The following ISM2 variants were observed in gnomAD, a reference collection of about 807,000 sequenced individuals.
ISM2 encodes isthmin-2.
In ISM2, 50 loss-of-function variants were observed where a neutral mutation model predicts 58.0. The observed-to-expected ratio is 0.86, with a 90% CI of 0.69 to 1.09. ISM2 has a LOEUF of 1.09. Among genes scored for constraint, ISM2 ranks in the 50% least tolerant of loss-of-function variants. The pLI is 0.00. For synonymous variants in ISM2, 303 were observed against 312.4 expected (o/e 0.97, Z 0.32); for missense variants, 723 against 745.0 (o/e 0.97, Z 0.34).
chr14:77,494,947 G>A (rs530476429), intron 1 of ISM2, among the ~76,000 whole-genome samples: 5 of 152,096 alleles, frequency 3.3e-5, no homozygotes, highest in African/African-American at 7.2e-5. Context: ...GCAGTGGCGC[G>A]ATCTCAGCTC....
In ISM2 at chr14:77,478,595, C is replaced by T. The variant is rs1311079449; in HGVS notation, c.1094G>A (p.Cys365Tyr). 1.2e-6 allele frequency: 2 copies of T among 1,613,464 alleles called. No homozygotes were observed. The highest frequency in any genetic ancestry group is 2.2e-5 in the South Asian group (2 of 91,056). Residue 365 changes from cysteine (C) to tyrosine (Y), a missense_variant, in exon 5 of 7, where the codon TGT becomes TAT. Physicochemically the swap from Cys to Tyr is radical, Grantham distance 194 (BLOSUM62 -2). Transcript: ENST00000342219. ...YGCTATETRT[C>Y]DLPSCPGTED... is the part of the protein sequence containing the mutation. ...CTCACCAGGACAGGAGGGCAGGTCA[C>T]AGGTACGGGTCTCGGTGGCAGTGCA...
At chr14:77,478,797 C>T (rs1309739408) in intron 4 of ISM2, 82 bp from the exon 5 acceptor site, 1 of 1,447,008 alleles carries the variant, frequency 6.9e-7, no homozygotes, top group Non-Finnish European at 9.6e-7. Flanking sequence ...GCACCCTTTC[C>T]TCAGGTGGAT....
chr14:77,475,507 T>G lies in ISM2; in HGVS notation c.*88A>C. On this transcript the variant is annotated 3_prime_UTR_variant, in exon 7 of 7. Transcript: ENST00000342219. This position sits in a 1 kb window ranked among gnomAD's most constrained non-coding sequence, Gnocchi z 4.1. Reference sequence around the variant, plus strand: ...GGGGGAGCCCTTTCCTCACCCTGTCTGGGCAGGGGCGGGTGAGGAAAGTTC... The same window carrying G: ...GGGGGAGCCCTTTCCTCACCCTGTCGGGGCAGGGGCGGGTGAGGAAAGTTC... 5.0e-6 allele frequency: 3 copies of G among 603,604 alleles called. No individual in the cohort carries two copies. The highest frequency in any genetic ancestry group is 7.6e-6 in the Non-Finnish European group (3 of 394,702). 37.4% of individuals were successfully genotyped at this position (603,604 alleles called of 1,614,324 possible).
chr14:77,488,531 C>T (rs577615976), intron 1 of ISM2, among the ~76,000 whole-genome samples: 13 of 152,272 alleles, frequency 8.5e-5, no homozygotes, highest in South Asian at 2.1e-4. Flanking sequence ...TCCACATGAC[C>T]GGGGTTCAAT....
intron 1 of ISM2, among the ~76,000 whole-genome samples, chr14:77,495,199 A>C (rs1440513294): frequency 6.6e-6 from 1 of 152,002 alleles, no homozygotes. Flanking sequence ...CCTCTTTTTA[A>C]ATGTGAGGAA....
intron 1 of ISM2, among the ~76,000 whole-genome samples, chr14:77,492,985 A>G (rs965851957): frequency 6.6e-6 from 1 of 151,892 alleles, no homozygotes; most frequent in Non-Finnish European, 1.5e-5. Flanking sequence ...ACAAGAGCGA[A>G]ACTTCATCTC....
intron 6 of ISM2, 103 bp from the exon 7 acceptor site, chr14:77,476,215 G>T: frequency 7.6e-7 from 1 of 1,317,122 alleles, no homozygotes; most frequent in Non-Finnish European, 1.0e-6. Flanking sequence ...GAAGGCCCAG[G>T]CCCCAGCTGG....
At chr14:77,489,925 A>G (rs1465698134) in intron 1 of ISM2, among the ~76,000 whole-genome samples, 1 of 152,152 alleles carries the variant, frequency 6.6e-6, no homozygotes, top group Non-Finnish European at 1.5e-5. Flanking sequence ...GTGCAGTGGC[A>G]CGATCTTGGC....
chr14:77,477,585 G>A (rs1331214672), intron 6 of ISM2, among the ~76,000 whole-genome samples: 1 of 152,190 alleles, frequency 6.6e-6, no homozygotes, highest in African/African-American at 2.4e-5. Context: ...TGCTCACATG[G>A]GTTATGCGTG....
rs1379217158 is a variant in ISM2, at chr14:77,482,579, A to C, written c.716T>G (p.Leu239Arg). Residue 239 changes from leucine (L) to arginine (R), a missense_variant, in exon 4 of 7, where the codon CTT (leucine) becomes CGT (arginine). Leu to Arg is a moderately radical substitution (Grantham distance 102, BLOSUM62 -2). Coordinates refer to ENST00000342219, the MANE Select transcript of ISM2 (RefSeq NM_199296.3). The stretch of plus-strand genomic sequence containing the variant: ...GGACCAGAGGGCGGGCAGCCAGCTA[A>C]GGGTATCCTGGGGCGGGGGATTGCT... The part of the protein sequence containing the change: ...EPSNPPPQDT[L>R]SWLPALWSFL... The C allele has an allele frequency of 6.2e-7, 1 of 1,613,092 alleles. No homozygotes were observed. The highest frequency in any genetic ancestry group is 1.7e-5 in the Admixed American group (1 of 59,914).
intron 3 of ISM2, chr14:77,483,917 A>G (rs1322045327): frequency 6.3e-6 from 1 of 159,124 alleles, no homozygotes; most frequent in Non-Finnish European, 1.4e-5. Context: ...CCATGCCACC[A>G]GCCTACTCCA....
chr14:77,484,854 G>T lies in ISM2; in HGVS notation c.207C>A (p.Thr69=). The T allele has an allele frequency of 1.2e-6, 2 of 1,602,710 alleles. No homozygotes were observed. Among genetic ancestry groups the T allele is most frequent in the South Asian group, 2.2e-5 (2 of 89,152 alleles). ...GTTGGTGTGGCTCTGCCTGCAGGTGGGTTCTGGGGAGCAGTGGTGCCTCCT... is the reference window on the plus strand; with the variant it reads ...GTTGGTGTGGCTCTGCCTGCAGGTGTGTTCTGGGGAGCAGTGGTGCCTCCT... The part of the protein sequence containing the change: ...EEEEAPLLPR[T]HLQAEPHQHG... The change falls in exon 2 of 7, where the codon ACC becomes ACA. Residue 69 remains threonine, a synonymous_variant. Coordinates refer to ENST00000342219, the MANE Select transcript of ISM2 (RefSeq NM_199296.3).
At chr14:77,479,160 G>A (rs1329184383) in intron 4 of ISM2, among the ~76,000 whole-genome samples, 1 of 152,000 alleles carries the variant, frequency 6.6e-6, no homozygotes, top group Non-Finnish European at 1.5e-5. Flanking sequence ...TTGACTTCCT[G>A]GGCTCAAGCA....
At chr14:77,478,767 T>G in intron 4 of ISM2, 52 bp from the exon 5 acceptor site, 1 of 1,575,676 alleles carries the variant, frequency 6.3e-7, no homozygotes, top group South Asian at 1.1e-5. Flanking sequence ...ACAGGGCAAA[T>G]TGGTACAAAT....
At chr14:77,492,950 G>T (rs927073703) in intron 1 of ISM2, among the ~76,000 whole-genome samples, 1 of 151,978 alleles carries the variant, frequency 6.6e-6, no homozygotes, top group African/African-American at 2.4e-5. Context: ...AGCCAAGATT[G>T]TGCCATTGCT....
chr14:77,490,516 C>G (rs1381005739), intron 1 of ISM2, among the ~76,000 whole-genome samples: 1 of 152,190 alleles, frequency 6.6e-6, no homozygotes, highest in Non-Finnish European at 1.5e-5. Context: ...AGAGAGGTAA[C>G]GTAACTTGCC....
chr14:77,485,343 C>T (rs1347231124), intron 1 of ISM2, among the ~76,000 whole-genome samples: 1 of 152,252 alleles, frequency 6.6e-6, no homozygotes, highest in South Asian at 2.1e-4. Flanking sequence ...GCACCTGGTC[C>T]TATCAGGGAG....
chr14:77,475,963 C>T lies in ISM2; in HGVS notation c.1348G>A (p.Gly450Ser). The T allele has an allele frequency of 6.3e-7, 1 of 1,597,736 alleles. No homozygotes were observed. The highest frequency in any genetic ancestry group is 8.5e-7 in the Non-Finnish European group (1 of 1,178,786). The change falls in exon 7 of 7, where the codon GGC becomes AGC. Residue 450 changes from glycine (G) to serine (S), a missense_variant. Coordinates refer to ENST00000342219, the MANE Select transcript of ISM2 (RefSeq NM_199296.3). This position sits in a 1 kb window ranked among gnomAD's most constrained non-coding sequence, Gnocchi z 4.1. Reference protein sequence around the residue: ...SPVSLQDEHQGRSFRWRDASG... With the variant: ...SPVSLQDEHQSRSFRWRDASG... ...GCATCCCTCCACCGGAAGCTGCGGC[C>T]CTGGTGCTCGTCCTGTAGGCTCACA...
At chr14:77,486,713 AC>A (rs2079170119) in intron 1 of ISM2, among the ~76,000 whole-genome samples, 1 of 152,004 alleles carries the variant, frequency 6.6e-6, no homozygotes. Flanking sequence ...TGATTGGGAT[AC>A]CCTAGCCTGG....
Sources: gnomAD v4.1 joint callset for allele counts (sites outside exome capture counted in the v4.1 genomes callset) on GRCh38, gnomAD v4.1.1 for gene constraint, Gnocchi (gnomAD v3.1) non-coding constraint, MANE v1.5 for transcripts, NCBI Gene and HGNC (gene_info 2026-07-23, HGNC 2026-07-21) for gene names.